PALM2AKAP2: variants seen among roughly 807,000 people sequenced by gnomAD.
PALM2AKAP2 encodes PALM2 and AKAP2 fusion, also known as PALM2-AKAP2 fusion protein.
PALM2AKAP2 carries 37 observed loss-of-function variants against 71.5 expected under a neutral mutation model. That is an observed-to-expected ratio of 0.52 (90% CI 0.40 to 0.68). PALM2AKAP2 has a LOEUF of 0.68. PALM2AKAP2 is among the 30% of genes least tolerant of loss of function. The probability of loss-of-function intolerance (pLI) is 0.00; values close to 1 mark genes in which losing one functional copy is unlikely to be tolerated. For missense variants in PALM2AKAP2, 1,224 were observed against 1,191.8 expected (o/e 1.03, Z -0.40); for synonymous variants, 468 against 478.8 (o/e 0.98, Z 0.29).
At chr9:110,125,498 A>G in intron 1 of PALM2AKAP2, 1 of 985,470 alleles carries the variant, frequency 1.0e-6, no homozygotes, top group Non-Finnish European at 1.2e-6. Flanking sequence ...CAGGAGGCTC[A>G]GGAGGAATTT....
chr9:110,071,893 G>A (rs80145812), intron 1 of PALM2AKAP2, among the ~76,000 whole-genome samples: 2,032 of 152,212 alleles, frequency 0.013, 38 homozygotes, highest in African/African-American at 0.047. Flanking sequence ...TATGTACAAG[G>A]TCAGTAAGAT....
At chr9:110,137,329 A>C (rs200308965) in exon 2 of PALM2AKAP2, 1 of 1,614,170 alleles carries the variant, frequency 6.2e-7, no homozygotes, top group African/African-American at 1.3e-5. Context: ...CAGTCAACTC[A>C]GACAAGCCAC....
intron 1 of PALM2AKAP2, among the ~76,000 whole-genome samples, chr9:109,840,229 G>C (rs1230561409): frequency 1.3e-5 from 2 of 152,106 alleles, no homozygotes; most frequent in Non-Finnish European, 2.9e-5. Flanking sequence ...GCAACCATCT[G>C]ATCTTTGACA....
At chr9:110,113,473 G>T (rs1164466509) in intron 1 of PALM2AKAP2, among the ~76,000 whole-genome samples, 5 of 150,688 alleles carry the variant, frequency 3.3e-5, no homozygotes, top group African/African-American at 9.8e-5. Flanking sequence ...TCTTGACCTT[G>T]TGGACCTTGT....
intron 7 of PALM2AKAP2, 63 bp downstream of exon 7, chr9:110,016,102 A>G: frequency 6.6e-7 from 1 of 1,526,160 alleles, no homozygotes; most frequent in Non-Finnish European, 9.0e-7. Context: ...AGCCGATGGC[A>G]GGTTTTTCTG....
intron 1 of PALM2AKAP2, among the ~76,000 whole-genome samples, chr9:109,682,251 G>A (rs896886264): frequency 2.6e-5 from 4 of 152,142 alleles, no homozygotes; most frequent in Non-Finnish European, 5.9e-5. Context: ...TGACCAGAAT[G>A]TTAGCCATAA....
chr9:109,732,475 A>T (rs1319587495), intron 1 of PALM2AKAP2, among the ~76,000 whole-genome samples: 1 of 152,212 alleles, frequency 6.6e-6, no homozygotes, highest in Non-Finnish European at 1.5e-5. Context: ...TGGGTGGATG[A>T]CAGTAGTTGG....
At chr9:109,998,070 T>G (rs1832608367) in intron 6 of PALM2AKAP2, among the ~76,000 whole-genome samples, 1 of 152,214 alleles carries the variant, frequency 6.6e-6, no homozygotes, top group Non-Finnish European at 1.5e-5. Flanking sequence ...AGTCTCAATG[T>G]GATGGCTGTC....
At chr9:109,761,951 G>A (rs150822213) in intron 1 of PALM2AKAP2, among the ~76,000 whole-genome samples, 2 of 152,232 alleles carry the variant, frequency 1.3e-5, no homozygotes, top group East Asian at 1.9e-4. Context: ...CATCATCACT[G>A]GTCATTAGAG....
chr9:110,137,018 T>C (rs1835894733), exon 2 of PALM2AKAP2: 2 of 1,612,790 alleles, frequency 1.2e-6, no homozygotes, highest in Non-Finnish European at 8.5e-7. Context: ...ACATCTGGAG[T>C]CGCACAAAAA....
intron 1 of PALM2AKAP2, among the ~76,000 whole-genome samples, chr9:109,836,519 G>A (rs1828482575): frequency 6.6e-6 from 1 of 152,252 alleles, no homozygotes; most frequent in Non-Finnish European, 1.5e-5. Flanking sequence ...ATGGAACAAA[G>A]CTGGACAGAG....
chr9:109,728,558 A>C (rs1401420937), intron 1 of PALM2AKAP2, among the ~76,000 whole-genome samples: 1 of 152,234 alleles, frequency 6.6e-6, no homozygotes, highest in East Asian at 1.9e-4. Context: ...AGCTTTGACG[A>C]ATCAGTCCCA....
chr9:109,799,407 C>G (rs999406207), intron 1 of PALM2AKAP2, among the ~76,000 whole-genome samples: 2 of 152,208 alleles, frequency 1.3e-5, no homozygotes, highest in Non-Finnish European at 2.9e-5. Flanking sequence ...CTCCAGGTTC[C>G]TGACTGCCGG....
chr9:109,661,950 T>G (rs1370391399), intron 1 of PALM2AKAP2, among the ~76,000 whole-genome samples: 1 of 152,240 alleles, frequency 6.6e-6, no homozygotes, highest in East Asian at 1.9e-4. Context: ...AGTTCACTCA[T>G]GATTTGGCTC....
intron 1 of PALM2AKAP2, among the ~76,000 whole-genome samples, chr9:109,770,746 G>T (rs75198209): frequency 6.6e-6 from 1 of 152,264 alleles, no homozygotes; most frequent in East Asian, 1.9e-4. Context: ...TGGAACACAG[G>T]CATGTAGAAA....
chr9:110,135,165 ATATATAAATAT>A lies in PALM2AKAP2; in HGVS notation c.157-961_157-951del, dbSNP rs1200006995. Among the ~76,000 whole-genome samples, 3 of 70,774 alleles carry A rather than the reference ATATATAAATAT, an allele frequency of 4.2e-5. 1 individual carries two copies. The highest frequency in any genetic ancestry group is 7.9e-5 in the Non-Finnish European group (3 of 38,068). 46.4% of individuals were successfully genotyped at this position (70,774 alleles called of 152,430 possible). A position where few individuals can be genotyped will look rare whatever the true frequency, so the allele number is the denominator to read the frequency against. On this transcript the variant is annotated intron_variant, in intron 1 of 3. Coordinates refer to ENST00000374525, the Ensembl canonical transcript of PALM2AKAP2. ...ACTCTGTCTCTACAAAAAAAAAAAA[ATATATAAATAT>A]ATATATATATATAAATCAGCCAGGG...
chr9:109,796,099 A>G (rs1470043014), intron 1 of PALM2AKAP2, among the ~76,000 whole-genome samples: 2 of 152,248 alleles, frequency 1.3e-5, no homozygotes, highest in Non-Finnish European at 2.9e-5. Context: ...GACTTTTAGC[A>G]GAGTTCTTGT....
chr9:110,083,078 T>C (rs953573168), intron 1 of PALM2AKAP2, among the ~76,000 whole-genome samples: 2 of 151,974 alleles, frequency 1.3e-5, no homozygotes, highest in African/African-American at 4.8e-5. Context: ...GAGGCGGAGG[T>C]TGTGGTGAGT....
At chr9:109,862,933 C>A in intron 1 of PALM2AKAP2, 1 of 514,596 alleles carries the variant, frequency 1.9e-6, no homozygotes, top group East Asian at 5.5e-5. Context: ...GAGGTTGGAT[C>A]ATGGTAGGGG....
Sources: allele counts gnomAD v4.1 joint callset (sites outside exome capture counted in the v4.1 genomes callset), GRCh38; gene constraint gnomAD v4.1.1; transcripts MANE v1.5; gene names NCBI Gene and HGNC (gene_info 2026-07-23, HGNC 2026-07-21).